FOXK1: variants seen among roughly 807,000 people sequenced by gnomAD.
FOXK1 encodes the protein forkhead box K1, also known as forkhead box protein K1.
FOXK1 carries 19 observed loss-of-function variants against 51.9 expected under a neutral mutation model. That is an observed-to-expected ratio of 0.37 (90% CI 0.26 to 0.54). FOXK1 has a LOEUF of 0.54. FOXK1 is among the 20% of genes least tolerant of loss of function. FOXK1 has a pLI of 0.87. For missense variants in FOXK1, 870 were observed against 1,032.7 expected (o/e 0.84, Z 2.16); for synonymous variants, 537 against 482.6 (o/e 1.11, Z -1.48).
intron 1 of FOXK1, among the ~76,000 whole-genome samples, chr7:4,712,686 A>G (rs984064435): frequency 4.6e-5 from 7 of 152,140 alleles, no homozygotes; most frequent in Admixed American, 3.9e-4. Flanking sequence ...TTACACCTCA[A>G]GGGTTTCCGA....
At chr7:4,691,127 G>C (rs892564167) in intron 1 of FOXK1, among the ~76,000 whole-genome samples, 2 of 152,170 alleles carry the variant, frequency 1.3e-5, no homozygotes, top group Non-Finnish European at 1.5e-5. Flanking sequence ...CGTGTGGCGT[G>C]CTGCCAGGAA....
In FOXK1 at chr7:4,722,557, C is replaced by G. The variant is rs1434521533; in HGVS notation, c.561-18281C>G. Among the ~76,000 whole-genome samples the G allele has an allele frequency of 6.6e-6, 1 of 152,242 alleles. No individual in the cohort carries two copies. On this transcript the variant is annotated intron_variant, in intron 1 of 8. Transcript: ENST00000328914. This position sits in a 1 kb window ranked among gnomAD's most constrained non-coding sequence, Gnocchi z 5.1. The stretch of plus-strand genomic sequence containing the variant: ...GGTACACTCGTGCCTGTTAACCGCA[C>G]ACCTGCGTGCAGCACGGGCACACTC...
chr7:4,740,710 C>G, intron 1 of FOXK1, 128 bp from the exon 2 acceptor site: 3 of 895,860 alleles, frequency 3.3e-6, no homozygotes. Flanking sequence ...ATCGAAACTG[C>G]TCTCTGGGGC....
intron 1 of FOXK1, among the ~76,000 whole-genome samples, chr7:4,706,999 A>G (rs1450372362): frequency 6.6e-6 from 1 of 152,212 alleles, no homozygotes; most frequent in Non-Finnish European, 1.5e-5. Context: ...TAACTTACCT[A>G]CTTCATGCCC....
In FOXK1 at chr7:4,735,505, G is replaced by A. The variant is rs962633792; in HGVS notation, c.561-5333G>A. Among the ~76,000 whole-genome samples, 1 of 151,928 alleles carries A rather than the reference G, an allele frequency of 6.6e-6. No individual in the cohort carries two copies. Among genetic ancestry groups the A allele is most frequent in the African/African-American group, 2.4e-5 (1 of 41,330 alleles). On this transcript the variant is annotated intron_variant, in intron 1 of 8. Coordinates refer to ENST00000328914, the MANE Select transcript of FOXK1 (RefSeq NM_001037165.2). This position sits in a 1 kb window ranked among gnomAD's most constrained non-coding sequence, Gnocchi z 4.7. The stretch of plus-strand genomic sequence containing the variant: ...ACCCCCTAGCTCTTAGTCATTCTCC[G>A]TCCCCCCTGCCTGTCCCACCCGTCA...
intron 1 of FOXK1, among the ~76,000 whole-genome samples, chr7:4,712,277 G>A (rs1016077502): frequency 2.0e-5 from 3 of 152,062 alleles, no homozygotes; most frequent in Non-Finnish European, 4.4e-5. Context: ...ATTTACTCCG[G>A]CACTTGGTTC....
rs1482802478 is a variant in FOXK1 at position 4,769,767 on chromosome 7, A to G, written c.*7303A>G. The G allele has an allele frequency of 6.6e-6, 1 of 151,794 alleles. No homozygotes were observed. Among genetic ancestry groups the G allele is most frequent in the Non-Finnish European group, 1.5e-5 (1 of 67,988 alleles). 9.4% of individuals were successfully genotyped at this position (151,794 alleles called of 1,614,324 possible). A position where few individuals can be genotyped will look rare whatever the true frequency, so the allele number is the denominator to read the frequency against. On this transcript the variant is annotated 3_prime_UTR_variant, in exon 9 of 9. Coordinates refer to ENST00000328914, the MANE Select transcript of FOXK1 (RefSeq NM_001037165.2). The surrounding 1 kb of genome is among the most constrained non-coding windows in gnomAD (Gnocchi z 4.1). ...CTGTCACTTTTTTTGCTCCTTACCC[A>G]GTTTTTGTTTTTTGTTGTTTTGTTT... is the stretch of plus-strand genomic sequence containing the variant.
intron 2 of FOXK1, among the ~76,000 whole-genome samples, chr7:4,744,881 C>T (rs1780681730): frequency 6.6e-6 from 1 of 152,258 alleles, no homozygotes; most frequent in African/African-American, 2.4e-5. Context: ...TAGGGACTGG[C>T]TGTCTGGCTT....
At chr7:4,700,528 G>A (rs990582002) in intron 1 of FOXK1, among the ~76,000 whole-genome samples, 1 of 152,188 alleles carries the variant, frequency 6.6e-6, no homozygotes, top group African/African-American at 2.4e-5. Context: ...TGGGCCAGAT[G>A]TGGTGGCTCA....
chr7:4,756,196 C>A lies in FOXK1; in HGVS notation c.1051-798C>A, dbSNP rs1339725246. 6.6e-6 allele frequency among the ~76,000 whole-genome samples: 1 copy of A among 152,150 alleles called. No homozygotes were observed. Among genetic ancestry groups the A allele is most frequent in the Non-Finnish European group, 1.5e-5 (1 of 68,036 alleles). On this transcript the variant is annotated intron_variant, in intron 4 of 8. Coordinates refer to ENST00000328914, the MANE Select transcript of FOXK1 (RefSeq NM_001037165.2). The surrounding 1 kb of genome is among the most constrained non-coding windows in gnomAD (Gnocchi z 4.1). ...GTGGCGCGATCTCAGCTCACTGCAA[C>A]CTTCGCCTCCCAGGTTCAAGCGATT...
chr7:4,722,414 C>G lies in FOXK1; in HGVS notation c.561-18424C>G, dbSNP rs911145351. Among the ~76,000 whole-genome samples the G allele has an allele frequency of 9.2e-5, 14 of 152,336 alleles. No individual in the cohort carries two copies. The highest frequency in any genetic ancestry group is 2.6e-4 in the African/African-American group (11 of 41,580). On this transcript the variant is annotated intron_variant, in intron 1 of 8. Coordinates refer to ENST00000328914, the MANE Select transcript of FOXK1 (RefSeq NM_001037165.2). The surrounding 1 kb of genome is among the most constrained non-coding windows in gnomAD (Gnocchi z 5.1). Reference sequence around the variant, plus strand: ...CCATTCTCCTGTGAAGAGGCCTTCCCTGAGATCCTGGCCAGAGGAGGTCCC... The same window carrying G: ...CCATTCTCCTGTGAAGAGGCCTTCCGTGAGATCCTGGCCAGAGGAGGTCCC...
In FOXK1 at chr7:4,767,436, T is replaced by C. The variant is rs1207872652; in HGVS notation, c.*4972T>C. ...CGCCACACTCCTGATGAAAACGTGT[T>C]TACCCACAGCCTCGCCTCGAGCCTC... On this transcript the variant is annotated 3_prime_UTR_variant, in exon 9 of 9. Coordinates refer to ENST00000328914, the MANE Select transcript of FOXK1 (RefSeq NM_001037165.2). The surrounding 1 kb of genome is among the most constrained non-coding windows in gnomAD (Gnocchi z 6.6). The C allele has an allele frequency of 6.6e-6, 1 of 152,204 alleles. No homozygotes were observed. The highest frequency in any genetic ancestry group is 1.5e-5 in the Non-Finnish European group (1 of 68,046). 9.4% of individuals were successfully genotyped at this position (152,204 alleles called of 1,614,324 possible). A position where few individuals can be genotyped will look rare whatever the true frequency, so the allele number is the denominator to read the frequency against.
intron 7 of FOXK1, 92 bp from the exon 8 acceptor site, chr7:4,760,971 CT>C: frequency 8.1e-7 from 1 of 1,228,172 alleles, no homozygotes; most frequent in Non-Finnish European, 1.2e-6. Context: ...GCCGACCTCA[CT>C]TTCCCCACTT....
intron 1 of FOXK1, among the ~76,000 whole-genome samples, chr7:4,684,452 G>A (rs1779793824): frequency 6.6e-6 from 1 of 152,182 alleles, no homozygotes; most frequent in African/African-American, 2.4e-5. Flanking sequence ...TCCCCCTTGG[G>A]GCGTGAGAGG....
intron 1 of FOXK1, among the ~76,000 whole-genome samples, chr7:4,712,410 CAT>C (rs1403292217): frequency 6.6e-5 from 10 of 152,156 alleles, no homozygotes; most frequent in Admixed American, 6.5e-4. Flanking sequence ...GAAGGCTCCG[CAT>C]TCAGACGCCT....
Position 4,682,841 on chromosome 7 carries a change from G to T in FOXK1, c.533G>T (p.Gly178Val). 6.4e-7 allele frequency: 1 copy of T among 1,563,766 alleles called. No individual in the cohort carries two copies. Among genetic ancestry groups the T allele is most frequent in the East Asian group, 2.3e-5 (1 of 42,554 alleles). ...GTGGACGGGGCCTTCCAGAGACGCG[G>T]CGCGCCCGCCCTGCAGCTGCCCAAG... ...VFVDGAFQRR[G>V]APALQLPKQC... Residue 178 changes from glycine to valine, a missense_variant, in exon 1 of 9, where the codon GGC (glycine) becomes GTC (valine). Gly to Val is a moderately radical substitution (Grantham distance 109). Around this residue, in one of 3 missense-constraint regions of FOXK1, gnomAD observed 399 missense variants for 475.6 expected, o/e 0.84. Coordinates refer to ENST00000328914, the MANE Select transcript of FOXK1 (RefSeq NM_001037165.2). The surrounding 1 kb of genome is among the most constrained non-coding windows in gnomAD (Gnocchi z 7.6).
At chr7:4,726,077 A>G (rs1780377820) in intron 1 of FOXK1, among the ~76,000 whole-genome samples, 1 of 150,828 alleles carries the variant, frequency 6.6e-6, no homozygotes, top group Non-Finnish European at 1.5e-5. Flanking sequence ...TGGGGTTTGC[A>G]TTTGGGGGCT....
At position 4,730,282 on chromosome 7, in the gene FOXK1, C is replaced by T. The variant is rs1293863731; in HGVS notation, c.561-10556C>T. Among the ~76,000 whole-genome samples, 1 of 152,178 alleles carries T rather than the reference C, an allele frequency of 6.6e-6. No homozygotes were observed. Among genetic ancestry groups the T allele is most frequent in the African/African-American group, 2.4e-5 (1 of 41,444 alleles). ...CCCCACATTGTTGTCACTGCGAGAA[C>T]GGAGGGCCCAGAGCCGAGTACACTC... On this transcript the variant is annotated intron_variant, in intron 1 of 8. Coordinates refer to ENST00000328914, the MANE Select transcript of FOXK1 (RefSeq NM_001037165.2). This position sits in a 1 kb window ranked among gnomAD's most constrained non-coding sequence, Gnocchi z 4.7.
rs767542010 is a variant in FOXK1, at chr7:4,759,153, C to A, written c.1347C>A (p.His449Gln). The change falls in exon 6 of 9, where the codon CAC becomes CAA. Residue 449 changes from histidine to glutamine, a missense_variant. Around this residue, in one of 3 missense-constraint regions of FOXK1, gnomAD observed 457 missense variants for 510.8 expected, o/e 0.89. Coordinates refer to ENST00000328914, the MANE Select transcript of FOXK1 (RefSeq NM_001037165.2). ...CTCGGGAGGGCTCCCCCATTCCACA[C>A]GACCCTGAGTTTGGGTCCAAGTTAG... ...CLSREGSPIP[H>Q]DPEFGSKLAS... is the part of the protein sequence containing the mutation. The A allele has an allele frequency of 6.2e-7, 1 of 1,612,812 alleles. No individual in the cohort carries two copies. The highest frequency in any genetic ancestry group is 8.5e-7 in the Non-Finnish European group (1 of 1,179,898).
Sources: allele counts gnomAD v4.1 joint callset (sites outside exome capture counted in the v4.1 genomes callset), GRCh38; gene constraint gnomAD v4.1.1; regional missense constraint gnomAD v4.1.1; non-coding constraint Gnocchi (gnomAD v3.1); transcripts MANE v1.5; gene names NCBI Gene and HGNC (gene_info 2026-07-23, HGNC 2026-07-21).